Variants in IQCB1 observed in about 807,000 individuals in gnomAD.
IQCB1 encodes IQ motif containing B1.
Under a neutral mutation model 84.4 loss-of-function variants are expected in IQCB1, and 56 were observed. The ratio of observed to expected loss-of-function variants is 0.66; its 90% CI spans 0.54 to 0.83. The LOEUF is 0.83. Ranked by LOEUF, IQCB1 falls within the 40% of genes least tolerant of loss-of-function variation. IQCB1 has a pLI of 0.00. For missense variants in IQCB1, 629 were observed against 682.1 expected (o/e 0.92, Z 0.87); for synonymous variants, 210 against 234.8 (o/e 0.89, Z 0.96).
intron 5 of IQCB1, among the ~76,000 whole-genome samples, chr3:121,814,653 A>T (rs1180010219): frequency 6.6e-6 from 1 of 152,226 alleles, no homozygotes; most frequent in Non-Finnish European, 1.5e-5. Context: ...TAAACTAGAA[A>T]ATCTAGAAGA....
At chr3:121,796,925 G>A (rs1319180004) in intron 9 of IQCB1, among the ~76,000 whole-genome samples, 193 bp downstream of exon 9, 2 of 151,844 alleles carry the variant, frequency 1.3e-5, no homozygotes, top group African/African-American at 4.8e-5. Flanking sequence ...GTGATCATAG[G>A]GCAGTCTCCA....
chr3:121,789,292 T>C (rs901424629), intron 11 of IQCB1, among the ~76,000 whole-genome samples: 6 of 152,218 alleles, frequency 3.9e-5, no homozygotes, highest in African/African-American at 9.6e-5. Context: ...AAATACTCAA[T>C]AGCCATCTCT....
At chr3:121,783,930 ACTTC>A (rs1216808452) in intron 12 of IQCB1, among the ~76,000 whole-genome samples, 1 of 152,190 alleles carries the variant, frequency 6.6e-6, no homozygotes, top group African/African-American at 2.4e-5. Flanking sequence ...TGACAATCTT[ACTTC>A]AATACTTTTT....
chr3:121,781,136 G>T (rs546226899), intron 13 of IQCB1, among the ~76,000 whole-genome samples: 2 of 152,178 alleles, frequency 1.3e-5, no homozygotes, highest in Non-Finnish European at 2.9e-5. Context: ...GACAGGAGTG[G>T]TGAGTTATTC....
At chr3:121,791,812 C>T (rs1948987298) in intron 10 of IQCB1, among the ~76,000 whole-genome samples, 2 of 152,164 alleles carry the variant, frequency 1.3e-5, no homozygotes, top group African/African-American at 2.4e-5. Context: ...CCTCTGTGGC[C>T]GGGCGCGGTG....
intron 5 of IQCB1, among the ~76,000 whole-genome samples, chr3:121,825,661 A>C (rs1239239386): frequency 2.0e-5 from 3 of 152,234 alleles, no homozygotes; most frequent in Admixed American, 6.5e-5. Context: ...TGACTGGAGA[A>C]GATATGAGAG....
At chr3:121,810,787 C>T (rs1400328977) in intron 5 of IQCB1, among the ~76,000 whole-genome samples, 1 of 152,134 alleles carries the variant, frequency 6.6e-6, no homozygotes, top group Non-Finnish European at 1.5e-5. Context: ...TAGTTTGTGG[C>T]ACAGCCAGCA....
rs1211765423 is a variant in IQCB1, at chr3:121,770,510, A to G, written c.1632T>C (p.Pro544=). 2 of 1,614,220 alleles carry G rather than the reference A, an allele frequency of 1.2e-6. No individual in the cohort carries two copies. Among genetic ancestry groups the G allele is most frequent in the Admixed American group, 3.3e-5 (2 of 60,032 alleles). The change falls in exon 15 of 15, where the codon CCT becomes CCC. Residue 544 remains proline, a synonymous_variant. Transcript: ENST00000310864. ...GGGCCTGCTTGGCCTTGGCTGCCACAGGCCTGGATCTACTTAGGAAGAGCT... is the reference window on the plus strand; with the variant it reads ...GGGCCTGCTTGGCCTTGGCTGCCACGGGCCTGGATCTACTTAGGAAGAGCT... ...EPELFLSRSR[P]VAAKAKQAHL... is the part of the protein sequence containing the mutation.
intron 10 of IQCB1, among the ~76,000 whole-genome samples, chr3:121,794,508 A>G (rs1042905113): frequency 4.6e-5 from 7 of 152,142 alleles, no homozygotes; most frequent in African/African-American, 1.7e-4. Context: ...CCTAGTACAT[A>G]TATCATATAC....
chr3:121,797,168 G>C lies in IQCB1; in HGVS notation c.826C>G (p.Gln276Glu), dbSNP rs141949168. The change falls in exon 9 of 15, where the codon CAG (glutamine) becomes GAG (glutamate). Residue 276 changes from glutamine to glutamate, a missense_variant. Coordinates refer to ENST00000310864, the MANE Select transcript of IQCB1 (RefSeq NM_001023570.4). ...ATTGGGCTTAAAAGGCCAACAAGCTGTCTAAGTTCTTGACTGAATTCAGTC... is the reference window on the plus strand; with the variant it reads ...ATTGGGCTTAAAAGGCCAACAAGCTCTCTAAGTTCTTGACTGAATTCAGTC... ...TGTEFSQELR[Q>E]LVGLLSPMVY... is the part of the protein sequence containing the mutation. The C allele has an allele frequency of 7.5e-6, 12 of 1,610,682 alleles. No homozygotes were observed. The African/African-American group carries it at 1.6e-4, about 22-fold the overall frequency.
chr3:121,798,369 A>G (rs1192606058), intron 8 of IQCB1, among the ~76,000 whole-genome samples: 1 of 151,942 alleles, frequency 6.6e-6, no homozygotes, highest in Non-Finnish European at 1.5e-5. Context: ...AGTATATTTA[A>G]TGAACTAGAA....
intron 12 of IQCB1, among the ~76,000 whole-genome samples, chr3:121,786,971 A>G (rs1948762433): frequency 6.6e-6 from 1 of 152,190 alleles, no homozygotes; most frequent in African/African-American, 2.4e-5. Flanking sequence ...AGCTTCCTCC[A>G]AAGGAAGTGT....
intron 4 of IQCB1, among the ~76,000 whole-genome samples, chr3:121,827,215 G>T (rs1360560846): frequency 6.6e-6 from 1 of 151,842 alleles, no homozygotes; most frequent in Admixed American, 6.6e-5. Context: ...CATTGAGTAT[G>T]CAATTTACCT....
chr3:121,813,051 TCAGACTAA>T (rs1413369337), intron 5 of IQCB1, among the ~76,000 whole-genome samples: 1 of 152,148 alleles, frequency 6.6e-6, no homozygotes, highest in Non-Finnish European at 1.5e-5. Flanking sequence ...GGGAAGCCCA[TCAGACTAA>T]CAGCGGATGT....
At chr3:121,812,616 T>C (rs1434726654) in intron 5 of IQCB1, among the ~76,000 whole-genome samples, 1 of 152,100 alleles carries the variant, frequency 6.6e-6, no homozygotes, top group African/African-American at 2.4e-5. Flanking sequence ...GAGAACTTCA[T>C]GAAGCATACA....
intron 11 of IQCB1, among the ~76,000 whole-genome samples, chr3:121,789,259 C>A (rs1013662298): frequency 6.6e-6 from 1 of 152,210 alleles, no homozygotes; most frequent in Non-Finnish European, 1.5e-5. Flanking sequence ...AATTCAGGTC[C>A]TTCAGTGCAC....
At position 121,826,191 on chromosome 3, in the gene IQCB1, A is replaced by G. The variant is rs1004659675; in HGVS notation, c.264-11T>C. The G allele has an allele frequency of 1.2e-6, 2 of 1,613,360 alleles. No individual in the cohort carries two copies. The highest frequency in any genetic ancestry group is 1.7e-6 in the Non-Finnish European group (2 of 1,179,522). On this transcript the variant is annotated splice_polypyrimidine_tract_variant and intron_variant, in intron 4 of 14. Coordinates refer to ENST00000310864, the MANE Select transcript of IQCB1 (RefSeq NM_001023570.4). The stretch of plus-strand genomic sequence containing the variant: ...CCCACACAGCAATGGCTGAAATAAG[A>G]GCACAAGTTCGTGTTAATTAGAAGT...
intron 7 of IQCB1, 29 bp downstream of exon 7, chr3:121,807,315 G>T: frequency 9.4e-7 from 1 of 1,067,188 alleles, no homozygotes; most frequent in Non-Finnish European, 1.5e-6. Flanking sequence ...TAAAAAAAAA[G>T]CAGTAACATT....
intron 5 of IQCB1, among the ~76,000 whole-genome samples, chr3:121,809,748 T>C (rs1466917787): frequency 1.3e-5 from 2 of 152,058 alleles, no homozygotes; most frequent in Non-Finnish European, 2.9e-5. Flanking sequence ...TTATTGGCCA[T>C]GTAACTTTAG....
Sources: gnomAD v4.1 joint callset for allele counts (sites outside exome capture counted in the v4.1 genomes callset) on GRCh38, gnomAD v4.1.1 for gene constraint, MANE v1.5 for transcripts, NCBI Gene and HGNC (gene_info 2026-07-23, HGNC 2026-07-21) for gene names.